RB1: variants seen among roughly 807,000 people sequenced by gnomAD.
The protein encoded by RB1 is RB transcriptional corepressor 1.
Under a neutral mutation model 135.4 loss-of-function variants are expected in RB1, and 18 were observed. The ratio of observed to expected loss-of-function variants is 0.13; its 90% CI spans 0.09 to 0.20. The LOEUF (loss-of-function observed/expected upper bound fraction) is 0.20. Among genes scored for constraint, RB1 ranks in the 10% least tolerant of loss-of-function variants. The pLI, the probability that RB1 is intolerant of heterozygous loss-of-function variation, is 1.00. For synonymous variants in RB1, 365 were observed against 373.2 expected, an observed-to-expected ratio of 0.98 and a Z score of 0.25; for missense variants, 868 against 1,110.0, an observed-to-expected ratio of 0.78 and a Z score of 3.10.
chr13:48,337,603 A>G (rs1465833789), intron 2 of RB1, among the ~76,000 whole-genome samples: 2 of 152,190 alleles, frequency 1.3e-5, no homozygotes, highest in Non-Finnish European at 2.9e-5. Context: ...TCCTGAATAC[A>G]GCACACTGAT....
At chr13:48,327,593 A>C (rs1478522937) in intron 2 of RB1, among the ~76,000 whole-genome samples, 1 of 152,192 alleles carries the variant, frequency 6.6e-6, no homozygotes, top group Non-Finnish European at 1.5e-5. Context: ...GCTGTATTTT[A>C]ATTTTATCTA....
At chr13:48,371,042 TG>T (rs1356165006) in intron 11 of RB1, among the ~76,000 whole-genome samples, 1 of 152,150 alleles carries the variant, frequency 6.6e-6, no homozygotes, top group African/African-American at 2.4e-5. Flanking sequence ...ACAATGTGTC[TG>T]GGGAACTATT....
intron 2 of RB1, among the ~76,000 whole-genome samples, chr13:48,327,323 A>G (rs1952296876): frequency 6.6e-6 from 1 of 152,170 alleles, no homozygotes; most frequent in Non-Finnish European, 1.5e-5. Flanking sequence ...TCTGGTGGAA[A>G]TGCTTACAGG....
At chr13:48,363,516 C>A (rs984734430) in intron 8 of RB1, among the ~76,000 whole-genome samples, 2 of 152,108 alleles carry the variant, frequency 1.3e-5, no homozygotes, top group East Asian at 1.9e-4. Context: ...ATGATTGCAC[C>A]ACTGCACTCC....
At chr13:48,344,122 T>C (rs1225875860) in intron 3 of RB1, among the ~76,000 whole-genome samples, 1 of 152,236 alleles carries the variant, frequency 6.6e-6, no homozygotes, top group Non-Finnish European at 1.5e-5. Flanking sequence ...AGTTGATGAT[T>C]GCTATCTTTA....
intron 23 of RB1, among the ~76,000 whole-genome samples, chr13:48,471,425 G>C (rs1949468396): frequency 1.1e-5 from 1 of 94,766 alleles, no homozygotes; most frequent in African/African-American, 4.0e-5. Context: ...TCGGGGGAGG[G>C]GGGAGGGATA....
chr13:48,364,749 A>T, intron 8 of RB1, 145 bp from the exon 9 acceptor site: 1 of 940,108 alleles, frequency 1.1e-6, no homozygotes, highest in Non-Finnish European at 1.5e-6. Context: ...TCTCTAAGAA[A>T]ATAATAAAAA....
intron 2 of RB1, among the ~76,000 whole-genome samples, chr13:48,310,002 A>G (rs1952118168): frequency 6.6e-6 from 1 of 152,134 alleles, no homozygotes; most frequent in Admixed American, 6.5e-5. Context: ...ATTTATGGCT[A>G]GGTACTGGAG....
At chr13:48,374,133 T>A (rs1952793542) in intron 12 of RB1, among the ~76,000 whole-genome samples, 1 of 152,158 alleles carries the variant, frequency 6.6e-6, no homozygotes, top group African/African-American at 2.4e-5. Flanking sequence ...ATCCAATATT[T>A]AACCCATTTT....
chr13:48,320,349 C>A, intron 2 of RB1: 2 of 1,257,422 alleles, frequency 1.6e-6, no homozygotes, highest in South Asian at 1.2e-5. Flanking sequence ...GGGCGCTCAC[C>A]GACACGCTCT....
At chr13:48,459,008 C>G (rs1255049446) in intron 19 of RB1, among the ~76,000 whole-genome samples, 1 of 151,902 alleles carries the variant, frequency 6.6e-6, no homozygotes, top group Non-Finnish European at 1.5e-5. Context: ...ATGATTATTC[C>G]TCTTTAATAT....
chr13:48,383,810 A>T (rs2138148971), intron 17 of RB1, among the ~76,000 whole-genome samples: 1 of 152,230 alleles, frequency 6.6e-6, no homozygotes, highest in Non-Finnish European at 1.5e-5. Context: ...AAGCACATAG[A>T]GTACTTTTTA....
intron 17 of RB1, among the ~76,000 whole-genome samples, chr13:48,409,259 G>C (rs1324274103): frequency 6.7e-6 from 1 of 150,082 alleles, no homozygotes; most frequent in African/African-American, 2.5e-5. Context: ...AGGCATTAAA[G>C]ATGTATTTTG....
At chr13:48,445,428 C>T (rs777943843) in intron 17 of RB1, among the ~76,000 whole-genome samples, 21 of 152,188 alleles carry the variant, frequency 1.4e-4, no homozygotes, top group Non-Finnish European at 2.9e-4. Flanking sequence ...ATACAGCAAC[C>T]TCTTCTTTAG....
intron 9 of RB1, among the ~76,000 whole-genome samples, chr13:48,366,171 CTTGTTACCACTT>C (rs142514017): frequency 0.031 from 4,662 of 152,218 alleles, 250 homozygotes; most frequent in African/African-American, 0.11. Context: ...ATTAATGAGT[CTTGTTACCACTT>C]TTGGTACCAA....
chr13:48,357,874 C>T (rs1328419088), intron 6 of RB1, among the ~76,000 whole-genome samples: 1 of 152,118 alleles, frequency 6.6e-6, no homozygotes, highest in Non-Finnish European at 1.5e-5. Flanking sequence ...CATGATATTA[C>T]GTGCTAGGTT....
intron 4 of RB1, among the ~76,000 whole-genome samples, chr13:48,346,013 A>G (rs1411064590): frequency 6.6e-6 from 1 of 151,428 alleles, no homozygotes; most frequent in East Asian, 1.9e-4. Flanking sequence ...GAGAAAAATT[A>G]GAGAAAAAAC....
At chr13:48,331,161 C>A (rs1426606690) in intron 2 of RB1, among the ~76,000 whole-genome samples, 1 of 152,142 alleles carries the variant, frequency 6.6e-6, no homozygotes, top group Non-Finnish European at 1.5e-5. Flanking sequence ...ACGTGATAAG[C>A]CCACAGCTAG....
chr13:48,366,510 G>A (rs745850668), intron 9 of RB1, among the ~76,000 whole-genome samples: 2 of 152,126 alleles, frequency 1.3e-5, no homozygotes, highest in Non-Finnish European at 1.5e-5. Flanking sequence ...GAATCACTTT[G>A]GCGTTAAAAG....
Sources: gnomAD v4.1 joint callset for allele counts (sites outside exome capture counted in the v4.1 genomes callset) on GRCh38, gnomAD v4.1.1 for gene constraint, MANE v1.5 for transcripts, NCBI Gene and HGNC (gene_info 2026-07-23, HGNC 2026-07-21) for gene names.